The following TNNI3K variants were observed in gnomAD, a reference collection of about 807,000 sequenced individuals.
The protein encoded by TNNI3K is TNNI3 interacting kinase.
In TNNI3K, 140 loss-of-function variants were observed where a neutral mutation model predicts 114.5. That is an observed-to-expected ratio of 1.22 (90% CI 1.07 to 1.41). TNNI3K has a LOEUF of 1.41. Among genes scored for constraint, TNNI3K ranks in the 40% most tolerant of loss-of-function variants. The pLI, the probability that TNNI3K is intolerant of heterozygous loss-of-function variation, is 0.00. For synonymous variants in TNNI3K, 347 were observed against 347.5 expected, an observed-to-expected ratio of 1.00 and a Z score of 0.02; for missense variants, 1,125 against 1,007.6, an observed-to-expected ratio of 1.12 and a Z score of -1.58.
chr1:74,381,345 G>A (rs1316842571), intron 17 of TNNI3K, among the ~76,000 whole-genome samples: 1 of 152,032 alleles, frequency 6.6e-6, no homozygotes, highest in Non-Finnish European at 1.5e-5. Flanking sequence ...ATATTTAAAT[G>A]CCTACCTTAT....
intron 20 of TNNI3K, among the ~76,000 whole-genome samples, chr1:74,445,264 C>G: frequency 6.9e-6 from 1 of 144,018 alleles, no homozygotes. Flanking sequence ...TACATGTGCA[C>G]ATTGTGCAGG....
intron 2 of TNNI3K, among the ~76,000 whole-genome samples, chr1:74,246,268 T>C (rs1428392916): frequency 6.6e-6 from 1 of 152,234 alleles, no homozygotes; most frequent in Non-Finnish European, 1.5e-5. Context: ...TATGGATGTC[T>C]TGGAAGAAAG....
At position 74,435,590 on chromosome 1, in the gene TNNI3K, A is replaced by T. The variant is rs191893144; in HGVS notation, c.1773-490A>T. Reference sequence around the variant, plus strand: ...GATCTCAAAACACTCCTTTGTGCTGAGATTGTATCTAGAATGTATTGATCA... The same window carrying T: ...GATCTCAAAACACTCCTTTGTGCTGTGATTGTATCTAGAATGTATTGATCA... On this transcript the variant is annotated intron_variant, in intron 17 of 24. Coordinates refer to ENST00000326637, the MANE Select transcript of TNNI3K (RefSeq NM_015978.3). 2.5e-3 allele frequency among the ~76,000 whole-genome samples: 377 copies of T among 152,130 alleles called. 2 individuals are homozygous for T. Among genetic ancestry groups the T allele is most frequent in the Middle Eastern group, 0.014 (4 of 294 alleles).
At chr1:74,412,619 T>G (rs1350181105) in intron 17 of TNNI3K, among the ~76,000 whole-genome samples, 1 of 152,148 alleles carries the variant, frequency 6.6e-6, no homozygotes, top group Non-Finnish European at 1.5e-5. Context: ...CATTCAATCC[T>G]TGTTTTTCTT....
chr1:74,516,953 T>A (rs1646357339), intron 23 of TNNI3K, among the ~76,000 whole-genome samples: 1 of 152,148 alleles, frequency 6.6e-6, no homozygotes, highest in African/African-American at 2.4e-5. Context: ...TACAGAAGTC[T>A]AAAAGAAATA....
chr1:74,238,840 A>G (rs1253662430), intron 2 of TNNI3K, among the ~76,000 whole-genome samples: 2 of 152,012 alleles, frequency 1.3e-5, no homozygotes, highest in African/African-American at 4.8e-5. Context: ...TTCTGCAAGA[A>G]CTAGGGGCCT....
At chr1:74,271,770 T>A in intron 5 of TNNI3K, 62 bp downstream of exon 5, 2 of 1,400,120 alleles carry the variant, frequency 1.4e-6, no homozygotes, top group Non-Finnish European at 2.0e-6. Flanking sequence ...TTGTTGTTCT[T>A]AACTGTTTTG....
At chr1:74,471,208 C>T (rs771670786) in intron 21 of TNNI3K, 4 of 400,468 alleles carry the variant, frequency 1.0e-5, no homozygotes, top group Non-Finnish European at 1.8e-5. Flanking sequence ...CAGGGGGGCA[C>T]GTTTAGTGTT....
At chr1:74,412,812 C>T (rs1312565901) in intron 17 of TNNI3K, among the ~76,000 whole-genome samples, 7 of 152,138 alleles carry the variant, frequency 4.6e-5, no homozygotes, top group Admixed American at 3.9e-4. Flanking sequence ...ATGGGTTTCA[C>T]CATGCTAGCC....
At chr1:74,533,340 T>C (rs1300074371) in intron 23 of TNNI3K, among the ~76,000 whole-genome samples, 2 of 152,068 alleles carry the variant, frequency 1.3e-5, no homozygotes, top group Admixed American at 6.5e-5. Flanking sequence ...ATCAGAGAAA[T>C]GCAAATCAAA....
At chr1:74,374,813 G>A (rs1484215610) in intron 17 of TNNI3K, 2 of 151,832 alleles carry the variant, frequency 1.3e-5, no homozygotes, top group African/African-American at 4.8e-5. Context: ...CTTATATTTG[G>A]TCTAATTTAT....
At chr1:74,267,709 G>A (rs903350284) in intron 4 of TNNI3K, among the ~76,000 whole-genome samples, 7 of 151,896 alleles carry the variant, frequency 4.6e-5, no homozygotes, top group Non-Finnish European at 8.8e-5. Context: ...TATTTTGGCA[G>A]TATTCAGTTA....
chr1:74,396,395 C>G (rs952124068), intron 17 of TNNI3K, among the ~76,000 whole-genome samples: 10 of 152,174 alleles, frequency 6.6e-5, no homozygotes, highest in Admixed American at 5.9e-4. Flanking sequence ...TGTGAGTGCA[C>G]TTCTAAAAAG....
chr1:74,301,553 G>A (rs1409801446), intron 5 of TNNI3K, among the ~76,000 whole-genome samples: 1 of 152,108 alleles, frequency 6.6e-6, no homozygotes, highest in Non-Finnish European at 1.5e-5. Flanking sequence ...TTATAGATTA[G>A]TCACAAGTCC....
intron 5 of TNNI3K, among the ~76,000 whole-genome samples, chr1:74,273,753 T>A (rs991453478): frequency 6.6e-6 from 1 of 151,936 alleles, no homozygotes; most frequent in African/African-American, 2.4e-5. Context: ...ATGGGTTTTC[T>A]AATTTTCCTC....
intron 23 of TNNI3K, chr1:74,512,590 C>T (rs1021752759): frequency 6.6e-6 from 1 of 152,152 alleles, no homozygotes; most frequent in African/African-American, 2.4e-5. Flanking sequence ...GAATCTGAGA[C>T]CTACTGAGTT....
chr1:74,454,971 GTAT>G (rs370123909), intron 20 of TNNI3K, among the ~76,000 whole-genome samples: 5 of 151,934 alleles, frequency 3.3e-5, no homozygotes, highest in South Asian at 2.1e-4. Context: ...TAAATGTTAG[GTAT>G]TATTATTATT....
chr1:74,273,632 T>C (rs1656491698), intron 5 of TNNI3K, among the ~76,000 whole-genome samples: 1 of 152,012 alleles, frequency 6.6e-6, no homozygotes, highest in African/African-American at 2.4e-5. Flanking sequence ...TCTGTTTTCT[T>C]TCTTTCTAAA....
At chr1:74,443,904 G>A (rs183412673) in intron 20 of TNNI3K, among the ~76,000 whole-genome samples, 81 of 152,120 alleles carry the variant, frequency 5.3e-4, no homozygotes, top group African/African-American at 1.9e-3. Flanking sequence ...ACTAAAGACA[G>A]AAACCTCATG....
Sources: gnomAD v4.1 joint callset for allele counts (sites outside exome capture counted in the v4.1 genomes callset) on GRCh38, gnomAD v4.1.1 for gene constraint, MANE v1.5 for transcripts, NCBI Gene and HGNC (gene_info 2026-07-23, HGNC 2026-07-21) for gene names.